CNPY1: variants seen among roughly 807,000 people sequenced by gnomAD.
The protein encoded by CNPY1 is protein canopy homolog 1.
Under a neutral mutation model 14.4 loss-of-function variants are expected in CNPY1, and 14 were observed. The ratio of observed to expected loss-of-function variants is 0.97; its 90% CI spans 0.64 to 1.52. The LOEUF is 1.52. CNPY1 is among the 40% of genes most tolerant of loss of function. CNPY1 has a pLI of 0.00. For missense variants in CNPY1, 129 were observed against 131.5 expected (o/e 0.98, Z 0.09); for synonymous variants, 43 against 46.5 (o/e 0.92, Z 0.31).
intron 2 of CNPY1, among the ~76,000 whole-genome samples, chr7:155,520,625 G>A (rs1459722024): frequency 2.0e-5 from 3 of 151,242 alleles, no homozygotes; most frequent in Admixed American, 6.6e-5. Flanking sequence ...TTCCATTTTG[G>A]CCCCTGCTTA....
rs1010943294 is a variant in CNPY1, at chr7:155,509,097, T to C, written c.100A>G (p.Ile34Val). The change falls in exon 3 of 5, where the codon ATC becomes GTC. Residue 34 changes from isoleucine (I) to valine (V), a missense_variant and splice_region_variant. By Grantham distance (29) the Ile-to-Val change is conservative (BLOSUM62 3). Transcript: ENST00000636446. ...NPDGTQERRKIPLAQSEAFLT... is the reference protein window; with the variant it reads ...NPDGTQERRKVPLAQSEAFLT... ...AACGCCTCCGACTGAGCTAGGGGGA[T>C]CTAAGAAGAAAGACAGGGCGAGGAA... The C allele has an allele frequency of 6.5e-7, 1 of 1,542,696 alleles. No individual in the cohort carries two copies. The highest frequency in any genetic ancestry group is 8.8e-7 in the Non-Finnish European group (1 of 1,142,664).
At chr7:155,525,805 C>A (rs747016413) in intron 2 of CNPY1, among the ~76,000 whole-genome samples, 1 of 152,224 alleles carries the variant, frequency 6.6e-6, no homozygotes, top group South Asian at 2.1e-4. Flanking sequence ...CCAGACACAA[C>A]GTCATTAAAT....
chr7:155,533,762 G>T (rs1028271216), intron 2 of CNPY1: 1 of 152,234 alleles, frequency 6.6e-6, no homozygotes, highest in African/African-American at 2.4e-5. Context: ...GTAATTACCT[G>T]CTCCCTGTAG....
intron 2 of CNPY1, among the ~76,000 whole-genome samples, chr7:155,534,357 G>A (rs901184977): frequency 7.9e-6 from 1 of 127,054 alleles, no homozygotes; most frequent in East Asian, 2.3e-4. Flanking sequence ...ATGCACACAC[G>A]TGCACACAGG....
intron 2 of CNPY1, among the ~76,000 whole-genome samples, chr7:155,533,601 G>A (rs908235067): frequency 6.6e-6 from 1 of 152,232 alleles, no homozygotes; most frequent in Admixed American, 6.5e-5. Flanking sequence ...GGTCCGGCGT[G>A]AAACCCCCGA....
rs1041259815 is a variant in CNPY1 at position 155,544,732 on chromosome 7, A to T, written c.99+1099T>A. Among the ~76,000 whole-genome samples, 3 of 152,328 alleles carry T rather than the reference A, an allele frequency of 2.0e-5. No individual in the cohort carries two copies. The East Asian group carries it at 5.8e-4, about 29-fold the overall frequency. On this transcript the variant is annotated intron_variant, in intron 2 of 4. Transcript: ENST00000636446. ...GGTGCAGGCGTCAGACCTGCAGCAG[A>T]GCAGCCAGTGGGCCTGCACGGGGTC...
chr7:155,545,517 G>A (rs889855878), intron 2 of CNPY1, among the ~76,000 whole-genome samples: 8 of 152,158 alleles, frequency 5.3e-5, no homozygotes, highest in Admixed American at 4.6e-4. Context: ...GTGTCTCTAG[G>A]CCGCCCCTTT....
At chr7:155,510,261 C>A (rs1371218054) in intron 2 of CNPY1, 1 of 152,210 alleles carries the variant, frequency 6.6e-6, no homozygotes, top group East Asian at 1.9e-4. Flanking sequence ...CAAATCTCAT[C>A]AGCGGCGCGG....
chr7:155,532,188 T>C (rs1796948267), intron 2 of CNPY1, among the ~76,000 whole-genome samples: 1 of 152,232 alleles, frequency 6.6e-6, no homozygotes, highest in Non-Finnish European at 1.5e-5. Flanking sequence ...TTATAGCTGA[T>C]TGATGACAAA....
At chr7:155,530,244 A>G (rs1424498512) in intron 2 of CNPY1, among the ~76,000 whole-genome samples, 1 of 150,366 alleles carries the variant, frequency 6.7e-6, no homozygotes, top group Non-Finnish European at 1.5e-5. Context: ...AGAGGTCCAC[A>G]ACTGGCAGCA....
chr7:155,502,003 T>TGGGGGGGG lies in CNPY1; in HGVS notation c.*1057_*1064dup, dbSNP rs60236629. The TGGGGGGGG allele has an allele frequency of 8.0e-6, 1 of 125,324 alleles. No individual in the cohort carries two copies. Among genetic ancestry groups the TGGGGGGGG allele is most frequent in the Non-Finnish European group, 1.7e-5 (1 of 60,132 alleles). 7.8% of individuals were successfully genotyped at this position (125,324 alleles called of 1,614,324 possible). A position where few individuals can be genotyped will look rare whatever the true frequency, so the allele number is the denominator to read the frequency against. On this transcript the variant is annotated 3_prime_UTR_variant, in exon 5 of 5. Transcript: ENST00000636446. ...GCAAAGAGTTTTGGGTCGGGGGGGT[T>TGGGGGGGG]GGGGGGGGGATTTGTAGCATCCTAC...
chr7:155,521,054 A>AGAGG (rs1796712149), intron 2 of CNPY1, among the ~76,000 whole-genome samples: 1 of 148,466 alleles, frequency 6.7e-6, no homozygotes, highest in Non-Finnish European at 1.5e-5. Flanking sequence ...AAAAAAAGAA[A>AGAGG]GAAGGAAGGA....
intron 2 of CNPY1, among the ~76,000 whole-genome samples, chr7:155,529,241 C>T (rs975802486): frequency 3.3e-5 from 5 of 152,140 alleles, no homozygotes; most frequent in South Asian, 2.1e-4. Context: ...CGACGTTCTA[C>T]GTGAAATCTT....
At chr7:155,531,433 T>G (rs1252328151) in intron 2 of CNPY1, among the ~76,000 whole-genome samples, 1 of 152,238 alleles carries the variant, frequency 6.6e-6, no homozygotes, top group African/African-American at 2.4e-5. Context: ...TTGAGAGGCT[T>G]CGACAACTAA....
At chr7:155,532,182 A>G (rs1796948167) in intron 2 of CNPY1, among the ~76,000 whole-genome samples, 1 of 152,242 alleles carries the variant, frequency 6.6e-6, no homozygotes, top group South Asian at 2.1e-4. Flanking sequence ...TTGGTTTTAT[A>G]GCTGATTGAT....
In CNPY1 at chr7:155,505,958, T is replaced by C. The variant is rs563548135; in HGVS notation, c.400+1062A>G. ...ACAACCCAATTATCTACTCAGAGTA[T>C]AAGCAAAAAAGACAAAAACAAAACC... On this transcript the variant is annotated intron_variant, in intron 4 of 4. Transcript: ENST00000636446. Among the ~76,000 whole-genome samples, 304 of 152,248 alleles carry C rather than the reference T, an allele frequency of 2.0e-3. 2 individuals carry two copies. Among genetic ancestry groups the C allele is most frequent in the African/African-American group, 7.1e-3 (293 of 41,548 alleles).
At chr7:155,518,914 G>A (rs985018611) in intron 2 of CNPY1, among the ~76,000 whole-genome samples, 1 of 152,158 alleles carries the variant, frequency 6.6e-6, no homozygotes, top group African/African-American at 2.4e-5. Context: ...AAAAGGGGTC[G>A]TGTTTTCTCT....
intron 2 of CNPY1, among the ~76,000 whole-genome samples, chr7:155,516,197 A>G (rs938376246): frequency 2.0e-5 from 3 of 152,208 alleles, no homozygotes; most frequent in African/African-American, 4.8e-5. Flanking sequence ...CCCCCATGGG[A>G]GACAAGAGTT....
At position 155,521,083 on chromosome 7, in the gene CNPY1, G is replaced by C. The variant is rs111881975; in HGVS notation, c.100-11986C>G. Among the ~76,000 whole-genome samples the C allele has an allele frequency of 2.1e-4, 25 of 120,106 alleles. No homozygotes were observed. In the East Asian group the frequency reaches 2.2e-3, roughly 11 times the overall value. The allele number at this position is 120,106 out of a possible 152,430, so 78.8% of individuals were successfully genotyped here. A position where few individuals can be genotyped will look rare whatever the true frequency, so the allele number is the denominator to read the frequency against. Reference sequence around the variant, plus strand: ...GGAAGGAAGGAAGGAAGGAAGCAAGGAAGGAAGGAAGGAAGGAAGGAAGGC... The same window carrying C: ...GGAAGGAAGGAAGGAAGGAAGCAAGCAAGGAAGGAAGGAAGGAAGGAAGGC... On this transcript the variant is annotated intron_variant, in intron 2 of 4. Transcript: ENST00000636446.
Sources: gnomAD v4.1 joint callset for allele counts (sites outside exome capture counted in the v4.1 genomes callset) on GRCh38, gnomAD v4.1.1 for gene constraint, MANE v1.5 for transcripts, NCBI Gene and HGNC (gene_info 2026-07-23, HGNC 2026-07-21) for gene names.